KREMEN1: variants seen among roughly 807,000 people sequenced by gnomAD.
KREMEN1 encodes kringle containing transmembrane protein 1.
A neutral mutation model predicts 46.5 loss-of-function variants in KREMEN1; 30 were observed. The ratio of observed to expected loss-of-function variants is 0.65; its 90% CI spans 0.48 to 0.88. The LOEUF (loss-of-function observed/expected upper bound fraction) is 0.88. Ranked by LOEUF, KREMEN1 falls within the 40% of genes least tolerant of loss-of-function variation. The pLI, the probability that KREMEN1 is intolerant of heterozygous loss-of-function variation, is 0.00. For synonymous variants in KREMEN1, 214 were observed against 230.6 expected (o/e 0.93, Z 0.65); for missense variants, 533 against 596.9 (o/e 0.89, Z 1.11).
At chr22:29,111,647 G>A (rs1449366286) in intron 3 of KREMEN1, 1 of 148,526 alleles carries the variant, frequency 6.7e-6, no homozygotes, top group Admixed American at 6.7e-5. Context: ...ATTAGCAGAG[G>A]AGTTACATCA....
intron 6 of KREMEN1, 135 bp downstream of exon 6, chr22:29,137,809 C>T: frequency 1.7e-6 from 1 of 604,754 alleles, no homozygotes; most frequent in East Asian, 3.0e-5. Context: ...TTGCAGATCA[C>T]CCCGAGGCTG....
downstream of KREMEN1, among the ~76,000 whole-genome samples, chr22:29,147,529 G>T (rs1332362327): frequency 6.6e-6 from 1 of 152,212 alleles, no homozygotes; most frequent in African/African-American, 2.4e-5. Context: ...CAGCCCTCCA[G>T]GATTCAGTTT....
At chr22:29,094,670 C>G (rs1393461523) in intron 2 of KREMEN1, among the ~76,000 whole-genome samples, 9 of 147,514 alleles carry the variant, frequency 6.1e-5, no homozygotes, top group Middle Eastern at 7.4e-3. Flanking sequence ...GTCGCCCAGG[C>G]TGGAGTGCAG....
chr22:29,100,979 C>T (rs796973483), intron 3 of KREMEN1, among the ~76,000 whole-genome samples: 68 of 152,196 alleles, frequency 4.5e-4, no homozygotes, highest in African/African-American at 1.6e-3. Context: ...AGGCTGGGCA[C>T]GTTGGCTCAC....
At chr22:29,125,934 C>T (rs1286148111) in intron 5 of KREMEN1, among the ~76,000 whole-genome samples, 1 of 152,034 alleles carries the variant, frequency 6.6e-6, no homozygotes, top group East Asian at 1.9e-4. Flanking sequence ...AGATACTGGC[C>T]AGGGGCAGAG....
At position 29,082,205 on chromosome 22, in the gene KREMEN1, T is replaced by TTTTTA. The variant is rs544424903; in HGVS notation, c.97+9003_97+9007dup. 3.7e-3 allele frequency among the ~76,000 whole-genome samples: 556 copies of TTTTTA among 152,088 alleles called. 1 individual carries two copies. Among genetic ancestry groups the TTTTTA allele is most frequent in the Middle Eastern group, 0.017 (5 of 294 alleles). On this transcript the variant is annotated intron_variant, in intron 1 of 8. Transcript: ENST00000400335. ...GCAAACTAAGAATATAAAATTCATA[T>TTTTTA]TTTTATTTTATTTTATTTTATTTTA... is the stretch of plus-strand genomic sequence containing the variant.
intron 6 of KREMEN1, among the ~76,000 whole-genome samples, chr22:29,138,060 C>T (rs1390241370): frequency 6.6e-6 from 1 of 152,266 alleles, no homozygotes; most frequent in African/African-American, 2.4e-5. Context: ...TTCCAAAAGA[C>T]TGGCTTGCCA....
chr22:29,107,539 C>T (rs2038081597), intron 3 of KREMEN1, among the ~76,000 whole-genome samples: 1 of 151,776 alleles, frequency 6.6e-6, no homozygotes, highest in Non-Finnish European at 1.5e-5. Context: ...TTATACTTTA[C>T]AGCTAAAGTG....
At chr22:29,133,828 C>G (rs974518595) in intron 5 of KREMEN1, among the ~76,000 whole-genome samples, 6 of 152,146 alleles carry the variant, frequency 3.9e-5, no homozygotes, top group Non-Finnish European at 8.8e-5. Flanking sequence ...TTTGGCACTG[C>G]AATTACACGT....
chr22:29,145,465 G>A lies in KREMEN1; in HGVS notation c.*3353G>A, dbSNP rs932670292. ...ATCCTCACCCCTGTTCCCCGCTGGC[G>A]CCAGGCCCTGCCTTCTTGGTACCTG... On this transcript the variant is annotated 3_prime_UTR_variant, in exon 9 of 9. Transcript: ENST00000400335. The A allele has an allele frequency of 1.8e-4, 176 of 985,416 alleles. No individual in the cohort carries two copies. The highest frequency in any genetic ancestry group is 1.9e-4 in the Non-Finnish European group (160 of 830,058). 61.0% of individuals were successfully genotyped at this position (985,416 alleles called of 1,614,324 possible).
chr22:29,140,213 T>G, intron 7 of KREMEN1, 69 bp from the exon 8 acceptor site: 1 of 1,247,462 alleles, frequency 8.0e-7, no homozygotes, highest in East Asian at 2.3e-5. Flanking sequence ...CACTTGGGTA[T>G]TCCAGCCGAC....
At chr22:29,156,576 ACAGGACG>A (rs1300468720) in intron 9 of KREMEN1, among the ~76,000 whole-genome samples, 9 of 99,674 alleles carry the variant, frequency 9.0e-5, no homozygotes, top group East Asian at 3.3e-4. Flanking sequence ...TGCTCTCCGC[ACAGGACG>A]CTGGCTGCCT....
chr22:29,097,746 A>G (rs1053367545), intron 2 of KREMEN1, among the ~76,000 whole-genome samples: 3 of 152,090 alleles, frequency 2.0e-5, no homozygotes, highest in Non-Finnish European at 4.4e-5. Flanking sequence ...AAAACCAGAA[A>G]AGAAAAAAAG....
chr22:29,116,772 C>T (rs1043646527), intron 3 of KREMEN1, among the ~76,000 whole-genome samples: 1 of 152,158 alleles, frequency 6.6e-6, no homozygotes, highest in African/African-American at 2.4e-5. Context: ...CAGGTTTCCA[C>T]GCACAAGGTC....
At position 29,073,157 on chromosome 22, in the gene KREMEN1, C is replaced by G; in HGVS notation, c.27C>G (p.Ala9=). The part of the protein sequence containing the change: MAPPAARL[A]LLSAAALTLA... ...TGGCGCCGCCAGCCGCCCGCCTCGCCCTGCTCTCCGCCGCGGCGCTCACGC... is the reference window on the plus strand; with the variant it reads ...TGGCGCCGCCAGCCGCCCGCCTCGCGCTGCTCTCCGCCGCGGCGCTCACGC... Residue 9 remains alanine (A), a synonymous_variant, in exon 1 of 9, where the codon GCC becomes GCG. Coordinates refer to ENST00000400335, the MANE Select transcript of KREMEN1 (RefSeq NM_001039570.3). This position sits in a 1 kb window ranked among gnomAD's most constrained non-coding sequence, Gnocchi z 4.4. 1 of 1,149,744 alleles carries G rather than the reference C, an allele frequency of 8.7e-7. No homozygotes were observed. Among genetic ancestry groups the G allele is most frequent in the Non-Finnish European group, 1.1e-6 (1 of 937,064 alleles). 71.2% of individuals were successfully genotyped at this position (1,149,744 alleles called of 1,614,324 possible). A position where few individuals can be genotyped will look rare whatever the true frequency, so the allele number is the denominator to read the frequency against.
intron 3 of KREMEN1, among the ~76,000 whole-genome samples, chr22:29,115,048 G>GT (rs2038216491): frequency 6.6e-6 from 1 of 152,174 alleles, no homozygotes; most frequent in Non-Finnish European, 1.5e-5. Flanking sequence ...TCGTTAAGTG[G>GT]TTGAGTCTGC....
At chr22:29,081,187 G>A (rs978189573) in intron 1 of KREMEN1, among the ~76,000 whole-genome samples, 3 of 151,968 alleles carry the variant, frequency 2.0e-5, no homozygotes, top group Non-Finnish European at 4.4e-5. Context: ...AGGAACAGTT[G>A]ATTCTGATCA....
intron 4 of KREMEN1, among the ~76,000 whole-genome samples, chr22:29,124,378 G>A (rs73882471): frequency 0.029 from 4,458 of 152,222 alleles, 207 homozygotes; most frequent in African/African-American, 0.1. Context: ...AGGAAAATGC[G>A]TCAGTGGTTG....
chr22:29,092,301 G>A (rs1279206149), intron 1 of KREMEN1, among the ~76,000 whole-genome samples: 5 of 152,196 alleles, frequency 3.3e-5, no homozygotes, highest in East Asian at 1.9e-4. Context: ...ATTAGAGGCA[G>A]TATAGGGTGT....
Sources: gnomAD v4.1 joint callset for allele counts (sites outside exome capture counted in the v4.1 genomes callset) on GRCh38, gnomAD v4.1.1 for gene constraint, Gnocchi (gnomAD v3.1) non-coding constraint, MANE v1.5 for transcripts, NCBI Gene and HGNC (gene_info 2026-07-23, HGNC 2026-07-21) for gene names.